B3GALT1: variants seen among roughly 807,000 people sequenced by gnomAD.
B3GALT1 encodes UDP-Gal:betaGlcNAc beta 1,3-galactosyltransferase, polypeptide 1.
Under a neutral mutation model 23.2 loss-of-function variants are expected in B3GALT1, and 10 were observed. The observed-to-expected ratio is 0.43, with a 90% CI of 0.27 to 0.73. The LOEUF (loss-of-function observed/expected upper bound fraction) is 0.73. Ranked by LOEUF, B3GALT1 falls within the 30% of genes least tolerant of loss-of-function variation. The probability of loss-of-function intolerance (pLI) is 0.21; values close to 1 mark genes in which losing one functional copy is unlikely to be tolerated. For missense variants in B3GALT1, 299 were observed against 405.4 expected (o/e 0.74, Z 2.25); for synonymous variants, 156 against 141.5 (o/e 1.10, Z -0.73).
At chr2:167,575,055 A>G (rs1003500767) in intron 2 of B3GALT1, among the ~76,000 whole-genome samples, 12 of 151,846 alleles carry the variant, frequency 7.9e-5, no homozygotes, top group Admixed American at 3.3e-4. Flanking sequence ...TGGCTTTACA[A>G]CTTACAGAAA....
chr2:167,330,644 G>A (rs1696958909), intron 1 of B3GALT1, among the ~76,000 whole-genome samples: 1 of 152,052 alleles, frequency 6.6e-6, no homozygotes, highest in Admixed American at 6.6e-5. Flanking sequence ...GATATGTTTT[G>A]TATTTCTTTC....
chr2:167,616,424 C>A (rs947616845), intron 2 of B3GALT1, among the ~76,000 whole-genome samples: 1 of 151,968 alleles, frequency 6.6e-6, no homozygotes, highest in Non-Finnish European at 1.5e-5. Context: ...AAATGTAGGC[C>A]AGGCACGGTG....
At position 167,448,083 on chromosome 2, in the gene B3GALT1, A is replaced by G. The variant is rs183351116; in HGVS notation, c.-510-42094A>G. Among the ~76,000 whole-genome samples the G allele has an allele frequency of 1.0e-4, 15 of 144,544 alleles. 1 individual carries two copies. The East Asian group carries it at 2.8e-3, about 27-fold the overall frequency. The allele number at this position is 144,544 out of a possible 152,430, so 94.8% of individuals were successfully genotyped here. A position where few individuals can be genotyped will look rare whatever the true frequency, so the allele number is the denominator to read the frequency against. On this transcript the variant is annotated intron_variant, in intron 1 of 4. Transcript: ENST00000392690. ...AATTGCCAATTGTGCTACTATAAAC[A>G]TGTGTGTGGAAGTATCTTTTTTGTA...
chr2:167,797,222 G>T (rs150170516), intron 3 of B3GALT1, among the ~76,000 whole-genome samples: 1 of 152,296 alleles, frequency 6.6e-6, no homozygotes, highest in Non-Finnish European at 1.5e-5. Context: ...GTGAGAATAT[G>T]CGTTATTTGG....
chr2:167,587,988 G>A (rs962004263), intron 2 of B3GALT1, among the ~76,000 whole-genome samples: 2 of 152,154 alleles, frequency 1.3e-5, no homozygotes, highest in East Asian at 1.9e-4. Flanking sequence ...CTCATTTGAT[G>A]GAAACTGAGT....
chr2:167,392,562 T>C (rs1030587059), intron 1 of B3GALT1, among the ~76,000 whole-genome samples: 5 of 152,190 alleles, frequency 3.3e-5, no homozygotes, highest in Non-Finnish European at 5.9e-5. Context: ...ATTTCAATTT[T>C]TGAACCTTGT....
chr2:167,680,000 GT>G (rs1323787215), intron 3 of B3GALT1, among the ~76,000 whole-genome samples: 6 of 152,034 alleles, frequency 3.9e-5, no homozygotes, highest in African/African-American at 1.4e-4. Context: ...ATAAACATGG[GT>G]TTTTTCTACT....
intron 3 of B3GALT1, among the ~76,000 whole-genome samples, chr2:167,671,540 C>G (rs964995182): frequency 6.6e-6 from 1 of 151,980 alleles, no homozygotes; most frequent in African/African-American, 2.4e-5. Flanking sequence ...GGAAATTAAA[C>G]AACACACACC....
intron 2 of B3GALT1, among the ~76,000 whole-genome samples, chr2:167,547,646 T>C (rs1394842687): frequency 2.1e-5 from 3 of 140,002 alleles, no homozygotes; most frequent in Non-Finnish European, 4.5e-5. Context: ...AGTGAGCTGA[T>C]ACCATGCACT....
chr2:167,448,530 T>C (rs1490614645), intron 1 of B3GALT1, among the ~76,000 whole-genome samples: 1 of 152,210 alleles, frequency 6.6e-6, no homozygotes, highest in African/African-American at 2.4e-5. Context: ...GTCAGATGTA[T>C]AGATTGTGAA....
intron 1 of B3GALT1, among the ~76,000 whole-genome samples, chr2:167,445,690 CT>C (rs953427032): frequency 7.9e-5 from 12 of 151,240 alleles, no homozygotes; most frequent in African/African-American, 1.2e-4. Context: ...GGAACCCCTG[CT>C]TTTTTTTTGT....
chr2:167,442,514 G>A (rs9753395), intron 1 of B3GALT1, among the ~76,000 whole-genome samples: 17,863 of 149,402 alleles, frequency 0.12, 1,462 homozygotes, highest in African/African-American at 0.23. Context: ...AAGTGTTCCT[G>A]TTTCTCCACA....
Position 167,455,328 on chromosome 2 carries a change from A to G in B3GALT1, c.-510-34849A>G, listed in dbSNP as rs137900150. On this transcript the variant is annotated intron_variant, in intron 1 of 4. Coordinates refer to ENST00000392690, the MANE Select transcript of B3GALT1 (RefSeq NM_020981.4). ...CATAGTATTTAAAAAATCTTATGAA[A>G]AAGATTATGAAAATCTTATCATTTT... Among the ~76,000 whole-genome samples the G allele has an allele frequency of 4.0e-3, 604 of 152,326 alleles. 5 individuals are homozygous for G. Among genetic ancestry groups the G allele is most frequent in the Middle Eastern group, 0.02 (6 of 294 alleles).
At chr2:167,863,986 ATGTATGTGTG>A (rs748874291) in intron 4 of B3GALT1, among the ~76,000 whole-genome samples, 4 of 132,208 alleles carry the variant, frequency 3.0e-5, no homozygotes, top group South Asian at 2.7e-4. Context: ...GCATGCATGT[ATGTATGTGTG>A]TGTGTGTGTG....
At chr2:167,688,977 C>T (rs1686664149) in intron 3 of B3GALT1, among the ~76,000 whole-genome samples, 3 of 152,030 alleles carry the variant, frequency 2.0e-5, no homozygotes, top group Non-Finnish European at 2.9e-5. Context: ...ACAGAACCAA[C>T]ACAGTGACTT....
chr2:167,525,075 C>G (rs1440739741), intron 2 of B3GALT1, among the ~76,000 whole-genome samples: 1 of 152,112 alleles, frequency 6.6e-6, no homozygotes, highest in East Asian at 1.9e-4. Flanking sequence ...TAGGAGAAAT[C>G]TTTGATAAAA....
At chr2:167,614,993 CAGG>C (rs1687953506) in intron 2 of B3GALT1, among the ~76,000 whole-genome samples, 1 of 151,842 alleles carries the variant, frequency 6.6e-6, no homozygotes, top group Non-Finnish European at 1.5e-5. Flanking sequence ...AAAGAAAACA[CAGG>C]AGTTTAAAAA....
At chr2:167,816,495 T>TGACTA (rs1279993483) in intron 3 of B3GALT1, among the ~76,000 whole-genome samples, 1 of 152,136 alleles carries the variant, frequency 6.6e-6, no homozygotes, top group African/African-American at 2.4e-5. Context: ...AATGCTATGA[T>TGACTA]GACTATAATA....
intron 4 of B3GALT1, among the ~76,000 whole-genome samples, chr2:167,843,845 G>T (rs1007332861): frequency 6.6e-6 from 1 of 152,214 alleles, no homozygotes; most frequent in Non-Finnish European, 1.5e-5. Context: ...GGCACTATGA[G>T]TATGATCTGA....
Sources: allele counts gnomAD v4.1 joint callset (sites outside exome capture counted in the v4.1 genomes callset), GRCh38; gene constraint gnomAD v4.1.1; transcripts MANE v1.5; gene names NCBI Gene and HGNC (gene_info 2026-07-23, HGNC 2026-07-21).